ZSCAN4: variants seen among roughly 807,000 people sequenced by gnomAD.
ZSCAN4 encodes the protein zinc finger and SCAN domain-containing protein 4.
Under a neutral mutation model 18.3 loss-of-function variants are expected in ZSCAN4, and 18 were observed. That is an observed-to-expected ratio of 0.98 (90% confidence interval 0.68 to 1.46). The LOEUF (loss-of-function observed/expected upper bound fraction) is 1.46. ZSCAN4 is among the 40% of genes most tolerant of loss of function. The probability of loss-of-function intolerance (pLI) is 0.00; values close to 1 mark genes in which losing one functional copy is unlikely to be tolerated. For missense variants in ZSCAN4, 498 were observed against 511.4 expected (o/e 0.97, Z 0.25); for synonymous variants, 193 against 180.3 (o/e 1.07, Z -0.57).
At chr19:57,664,729 C>G (rs941920620), upstream of ZSCAN4, 7 of 221,480 alleles carry the variant, frequency 3.2e-5, no homozygotes, top group Non-Finnish European at 5.8e-5. Flanking sequence ...GTGGGGCAAG[C>G]GAAGTCGCCT....
intron 2 of ZSCAN4, among the ~76,000 whole-genome samples, chr19:57,674,534 G>A (rs1984118951): frequency 6.6e-6 from 1 of 152,152 alleles, no homozygotes; most frequent in African/African-American, 2.4e-5. Flanking sequence ...AATATTCCAT[G>A]GTATGTATTT....
At chr19:57,657,463 G>T in the ZSCAN4 span, among the ~76,000 whole-genome samples, 3 of 152,116 alleles carry the variant, frequency 2.0e-5, no homozygotes, top group Non-Finnish European at 2.9e-5. Flanking sequence ...AACATTAACC[G>T]AATGATCACA....
At chr19:57,678,682 T>A (rs1230583264) in exon 5 of ZSCAN4, 8 of 1,614,150 alleles carry the variant, frequency 5.0e-6, no homozygotes, top group Non-Finnish European at 6.8e-6. Flanking sequence ...GTGCATCAGA[T>A]AATTCACACA....
the ZSCAN4 span, among the ~76,000 whole-genome samples, chr19:57,663,707 C>CAAAAAAA: frequency 3.4e-5 from 3 of 87,810 alleles, no homozygotes; most frequent in Non-Finnish European, 6.9e-5. Context: ...CAACCTGTCT[C>CAAAAAAA]AAAAAAAAAA....
chr19:57,668,092 C>T (rs552644027), upstream of ZSCAN4, among the ~76,000 whole-genome samples: 62 of 151,926 alleles, frequency 4.1e-4, no homozygotes, highest in African/African-American at 1.4e-3. Flanking sequence ...TTAGTAGAGA[C>T]GAGGTTTCAT....
upstream of ZSCAN4, among the ~76,000 whole-genome samples, chr19:57,665,746 C>T (rs1983834973): frequency 6.6e-6 from 1 of 152,060 alleles, no homozygotes; most frequent in Non-Finnish European, 1.5e-5. Flanking sequence ...GGAGAAACCC[C>T]ATCTCTACTA....
chr19:57,653,114 T>C, the ZSCAN4 span, among the ~76,000 whole-genome samples: 3 of 152,168 alleles, frequency 2.0e-5, no homozygotes, highest in Non-Finnish European at 2.9e-5. Flanking sequence ...CTGGCAGGCA[T>C]GAATAAAGCC....
the ZSCAN4 span, among the ~76,000 whole-genome samples, chr19:57,659,202 T>C: frequency 2.0e-5 from 3 of 152,174 alleles, no homozygotes; most frequent in Non-Finnish European, 4.4e-5. Context: ...TTCTCAGCTG[T>C]ATCCTGCTCT....
chr19:57,677,952 T>C, exon 4 of ZSCAN4: 2 of 1,573,612 alleles, frequency 1.3e-6, no homozygotes, highest in South Asian at 1.2e-5. Context: ...CTCTCTTTTC[T>C]GAGGATATGC....
intron 2 of ZSCAN4, among the ~76,000 whole-genome samples, chr19:57,675,510 G>C (rs1432922848): frequency 2.0e-5 from 3 of 152,142 alleles, no homozygotes; most frequent in Non-Finnish European, 2.9e-5. Context: ...TCGAACTCCT[G>C]ACCTCAAGTG....
chr19:57,668,076 AT>A (rs1365339736), upstream of ZSCAN4, among the ~76,000 whole-genome samples: 2 of 151,398 alleles, frequency 1.3e-5, no homozygotes, highest in Non-Finnish European at 2.9e-5. Context: ...TAATTTTTGT[AT>A]TTTTTTAGTA....
rs200671598 is a variant in ZSCAN4 at position 57,678,913 on chromosome 19, G to A, written c.*8G>A. ...ACACCAGAAGCTTCCTAAGCTGCTG[G>A]TCTGATAATGTGTATAAATATGTAT... On this transcript the variant is annotated 3_prime_UTR_variant, in exon 5 of 5. Coordinates refer to ENST00000318203, the Ensembl canonical transcript of ZSCAN4. The A allele has an allele frequency of 2.4e-4, 370 of 1,573,262 alleles. 2 individuals are homozygous for A. The African/African-American group carries it at 4.6e-3, about 20-fold the overall frequency.
In ZSCAN4 at chr19:57,670,868, CT is replaced by C. The variant is rs10684021; in HGVS notation, c.-106+313del. ...CGTATGACTTTATGTTCTAGTAATT[CT>C]TTTTTTTTTTTCGAGACAAGATCTC... On this transcript the variant is annotated intron_variant, in intron 2 of 4. Transcript: ENST00000318203. Among the ~76,000 whole-genome samples the C allele has an allele frequency of 2.0e-4, 30 of 146,634 alleles. No individual in the cohort carries two copies. The South Asian group carries it at 2.4e-3, about 12-fold the overall frequency.
At chr19:57,654,956 C>T in the ZSCAN4 span, among the ~76,000 whole-genome samples, 1 of 152,186 alleles carries the variant, frequency 6.6e-6, no homozygotes, top group East Asian at 1.9e-4. Flanking sequence ...CAATAACACC[C>T]TTCTCTGTAG....
exon 5 of ZSCAN4, chr19:57,678,453 G>A: frequency 6.2e-7 from 1 of 1,614,122 alleles, no homozygotes; most frequent in Non-Finnish European, 8.5e-7. Context: ...GTCCTCCCCT[G>A]AGTCTGCCCT....
At chr19:57,658,763 G>A in the ZSCAN4 span, among the ~76,000 whole-genome samples, 1 of 145,586 alleles carries the variant, frequency 6.9e-6, no homozygotes, top group African/African-American at 2.6e-5. Context: ...GAACCCAGAA[G>A]ACAGAAGTTG....
chr19:57,654,794 A>G, the ZSCAN4 span, among the ~76,000 whole-genome samples: 29 of 152,078 alleles, frequency 1.9e-4, no homozygotes, highest in African/African-American at 6.8e-4. Context: ...TTTTGCTTTC[A>G]CCTGGACAGA....
intron 2 of ZSCAN4, among the ~76,000 whole-genome samples, chr19:57,671,358 A>C (rs1030702071): frequency 1.5e-4 from 23 of 152,036 alleles, no homozygotes; most frequent in Admixed American, 4.6e-4. Context: ...AATACTTTGC[A>C]GTCTTGTCTA....
the ZSCAN4 span, among the ~76,000 whole-genome samples, chr19:57,659,001 C>G: frequency 2.0e-5 from 3 of 152,078 alleles, no homozygotes; most frequent in Admixed American, 2.0e-4. Flanking sequence ...TGGTCACTGT[C>G]TGCACATATA....
Sources: allele counts gnomAD v4.1 joint callset (sites outside exome capture counted in the v4.1 genomes callset), GRCh38; gene constraint gnomAD v4.1.1; transcripts MANE v1.5; gene names NCBI Gene and HGNC (gene_info 2026-07-23, HGNC 2026-07-21).